The following ELAVL1 variants were observed in gnomAD, a reference collection of about 807,000 sequenced individuals.
ELAVL1 encodes ELAV-like protein 1.
ELAVL1 carries 1 observed loss-of-function variant against 28.4 expected under a neutral mutation model. The ratio of observed to expected loss-of-function variants is 0.04; its 90% CI spans 0.01 to 0.17. The LOEUF (loss-of-function observed/expected upper bound fraction) is 0.17, where lower values mean the gene tolerates loss of function less well. ELAVL1 is among the 10% of genes least tolerant of loss of function. ELAVL1 has a pLI of 1.00. For missense variants in ELAVL1, 157 were observed against 447.2 expected, an observed-to-expected ratio of 0.35 and a Z score of 5.85; for synonymous variants, 174 against 183.5, an observed-to-expected ratio of 0.95 and a Z score of 0.42.
At position 7,981,207 on chromosome 19, in the gene ELAVL1, A is replaced by G. The variant is rs768588267; in HGVS notation, c.173-21T>C. 1 of 1,613,826 alleles carries G rather than the reference A, an allele frequency of 6.2e-7. No individual in the cohort carries two copies. The highest frequency in any genetic ancestry group is 1.1e-5 in the South Asian group (1 of 91,088). On this transcript the variant is annotated intron_variant, in intron 2 of 5. Transcript: ENST00000407627. The surrounding 1 kb of genome is among the most constrained non-coding windows in gnomAD (Gnocchi z 4.2). ...GTGTCCTGTGCAAGAGAACATGAAG[A>G]CATTGGTAAGCCAACCGTCTGCGAG...
intron 3 of ELAVL1, among the ~76,000 whole-genome samples, chr19:7,975,737 G>A (rs528262700): frequency 7.2e-5 from 11 of 152,294 alleles, no homozygotes; most frequent in Middle Eastern, 3.4e-3. Flanking sequence ...CAGTCATTGC[G>A]GATGTAATCA....
rs552700635 is a variant in ELAVL1, at chr19:8,003,467, C to A, written c.-17+2028G>T. 4.0e-4 allele frequency among the ~76,000 whole-genome samples: 59 copies of A among 149,354 alleles called. No homozygotes were observed. The South Asian group carries it at 0.012, about 31-fold the overall frequency. On this transcript the variant is annotated intron_variant, in intron 1 of 5. Transcript: ENST00000407627. Reference sequence around the variant, plus strand: ...CAGCACTTTGGGAGGCCGAGGCGGGCGGATCACAAGGTCAGGAGATCGAGA... The same window carrying A: ...CAGCACTTTGGGAGGCCGAGGCGGGAGGATCACAAGGTCAGGAGATCGAGA...
At chr19:7,975,878 G>C (rs900954797) in intron 3 of ELAVL1, among the ~76,000 whole-genome samples, 1 of 152,138 alleles carries the variant, frequency 6.6e-6, no homozygotes, top group Admixed American at 6.5e-5. Context: ...GGCTGAGTGG[G>C]AGGATCGCTT....
chr19:7,966,081 C>T (rs1349896629), intron 5 of ELAVL1, among the ~76,000 whole-genome samples: 1 of 152,180 alleles, frequency 6.6e-6, no homozygotes, highest in African/African-American at 2.4e-5. Flanking sequence ...CCTATAATCC[C>T]AGTACGTTGG....
At chr19:7,994,494 G>C (rs1053562207) in intron 1 of ELAVL1, among the ~76,000 whole-genome samples, 1 of 152,224 alleles carries the variant, frequency 6.6e-6, no homozygotes, top group Non-Finnish European at 1.5e-5. Context: ...GAGGGAAGTA[G>C]GCAAAGGATG....
rs182070156 is a variant in ELAVL1, at chr19:7,964,069, G to T, written c.657-262C>A. 2.0e-4 allele frequency among the ~76,000 whole-genome samples: 30 copies of T among 152,286 alleles called. No homozygotes were observed. The East Asian group carries it at 4.1e-3, about 21-fold the overall frequency. ...TCCACTCCTCCCACTGTGTATGTCG[G>T]GGTTTCTGTTTAGGGGTTCCTGCGG... On this transcript the variant is annotated intron_variant, in intron 5 of 5. Coordinates refer to ENST00000407627, the MANE Select transcript of ELAVL1 (RefSeq NM_001419.3).
At chr19:8,001,686 G>C (rs960921371) in intron 1 of ELAVL1, among the ~76,000 whole-genome samples, 6 of 151,006 alleles carry the variant, frequency 4.0e-5, no homozygotes, top group Non-Finnish European at 5.9e-5. Context: ...GGCTGGTCTT[G>C]AACTCCTGGC....
At chr19:8,001,647 T>TA in intron 1 of ELAVL1, among the ~76,000 whole-genome samples, 1 of 145,560 alleles carries the variant, frequency 6.9e-6, no homozygotes, top group East Asian at 2.4e-4. Flanking sequence ...TTTTTTTTTT[T>TA]TAGAGATGGG....
At chr19:8,004,330 G>C (rs994511804) in intron 1 of ELAVL1, among the ~76,000 whole-genome samples, 5 of 152,184 alleles carry the variant, frequency 3.3e-5, no homozygotes, top group African/African-American at 9.6e-5. Flanking sequence ...GCTTGTTCGA[G>C]GTCTTGGGAG....
In ELAVL1 at chr19:7,967,553, C is replaced by T. The variant is rs942136957; in HGVS notation, c.656+12G>A. 3.7e-6 allele frequency: 6 copies of T among 1,612,902 alleles called. No individual in the cohort carries two copies. In the Admixed American group the frequency reaches 5.0e-5, roughly 13 times the overall value. On this transcript the variant is annotated intron_variant, in intron 5 of 5. Transcript: ENST00000407627. ...AGTATGGCTTTCAGGAGCGCGCACCCTCCCGACCCACCTGAATCTCTGCGC... is the reference window on the plus strand; with the variant it reads ...AGTATGGCTTTCAGGAGCGCGCACCTTCCCGACCCACCTGAATCTCTGCGC...
intron 4 of ELAVL1, among the ~76,000 whole-genome samples, chr19:7,970,385 G>A (rs1224033962): frequency 6.6e-6 from 1 of 152,226 alleles, no homozygotes. Context: ...TCGACCTCTC[G>A]ACCTCGTGAT....
intron 2 of ELAVL1, among the ~76,000 whole-genome samples, chr19:7,986,639 G>A (rs776853807): frequency 7.2e-5 from 11 of 152,214 alleles, no homozygotes; most frequent in Admixed American, 1.3e-4. Flanking sequence ...TCACCGGCAG[G>A]AAGACTTTCT....
chr19:8,002,224 CA>C, intron 1 of ELAVL1: 2 of 913,628 alleles, frequency 2.2e-6, no homozygotes, highest in South Asian at 1.4e-5. Context: ...TAAAAAGCCC[CA>C]CCCTATTGTC....
chr19:7,977,933 C>T (rs1017837796), intron 3 of ELAVL1, among the ~76,000 whole-genome samples: 1 of 152,270 alleles, frequency 6.6e-6, no homozygotes, highest in Non-Finnish European at 1.5e-5. Flanking sequence ...GCAGGTCCTG[C>T]TGCTCAGAAT....
chr19:7,975,285 G>C (rs1291803571), intron 3 of ELAVL1, among the ~76,000 whole-genome samples: 1 of 152,224 alleles, frequency 6.6e-6, no homozygotes, highest in African/African-American at 2.4e-5. Flanking sequence ...CCATGACCCT[G>C]GCGCCAGTGG....
At chr19:7,974,160 C>T (rs1366812924) in intron 3 of ELAVL1, among the ~76,000 whole-genome samples, 2 of 152,234 alleles carry the variant, frequency 1.3e-5, no homozygotes, top group African/African-American at 4.8e-5. Flanking sequence ...ACTGAGGGCC[C>T]GCAGCTTGTG....
In ELAVL1 at chr19:7,984,169, C is replaced by T. The variant is rs185436616; in HGVS notation, c.173-2983G>A. ...CTTCCATGGTCAAGCTCTTCTCTGT[C>T]CTCAAGGAGCTGACGCATTAACTGA... On this transcript the variant is annotated intron_variant, in intron 2 of 5. Transcript: ENST00000407627. 3.3e-5 allele frequency among the ~76,000 whole-genome samples: 5 copies of T among 152,322 alleles called. No individual in the cohort carries two copies. In the East Asian group the frequency reaches 9.6e-4, roughly 29 times the overall value.
Position 7,981,023 on chromosome 19 carries a change from G to T in ELAVL1, c.276+60C>A. 6.5e-7 allele frequency: 1 copy of T among 1,549,030 alleles called. No individual in the cohort carries two copies. Among genetic ancestry groups the T allele is most frequent in the Non-Finnish European group, 8.9e-7 (1 of 1,122,206 alleles). On this transcript the variant is annotated intron_variant, in intron 3 of 5. Transcript: ENST00000407627. This position sits in a 1 kb window ranked among gnomAD's most constrained non-coding sequence, Gnocchi z 4.2. ...GAGAGTGACTGTGAGGCTGGGCGGG[G>T]CTCAGCACAGACCTGTGCCCAGGGC...
chr19:8,004,228 C>T (rs1007502440), intron 1 of ELAVL1, among the ~76,000 whole-genome samples: 5 of 152,236 alleles, frequency 3.3e-5, no homozygotes, highest in Non-Finnish European at 5.9e-5. Context: ...AGACCACGCA[C>T]AACGCAACGG....
Sources: gnomAD v4.1 joint callset for allele counts (sites outside exome capture counted in the v4.1 genomes callset) on GRCh38, gnomAD v4.1.1 for gene constraint, Gnocchi (gnomAD v3.1) non-coding constraint, MANE v1.5 for transcripts, NCBI Gene and HGNC (gene_info 2026-07-23, HGNC 2026-07-21) for gene names.